Variants in SSH2 observed in about 807,000 individuals in gnomAD.
SSH2 encodes the protein protein phosphatase Slingshot homolog 2.
Under a neutral mutation model 135.2 loss-of-function variants are expected in SSH2, and 37 were observed. The ratio of observed to expected loss-of-function variants is 0.27; its 90% CI spans 0.21 to 0.36. The LOEUF (loss-of-function observed/expected upper bound fraction) is 0.36. Ranked by LOEUF, SSH2 falls within the 10% of genes least tolerant of loss-of-function variation. SSH2 has a pLI of 1.00. For missense variants in SSH2, 1,408 were observed against 1,765.3 expected (o/e 0.80, Z 3.63); for synonymous variants, 628 against 646.2 (o/e 0.97, Z 0.43).
intron 1 of SSH2, among the ~76,000 whole-genome samples, chr17:29,860,410 A>G (rs1013125529): frequency 6.6e-6 from 1 of 150,804 alleles, no homozygotes; most frequent in African/African-American, 2.4e-5. Context: ...TCTTCTTTTG[A>G]AAAGCGTCTC....
chr17:29,708,138 G>T (rs1355295299), intron 3 of SSH2, among the ~76,000 whole-genome samples: 2 of 152,132 alleles, frequency 1.3e-5, no homozygotes, highest in South Asian at 2.1e-4. Context: ...TGCATATGAA[G>T]AAAATTATAT....
intron 1 of SSH2, among the ~76,000 whole-genome samples, chr17:29,880,180 G>A (rs2066111345): frequency 6.6e-6 from 1 of 152,156 alleles, no homozygotes; most frequent in African/African-American, 2.4e-5. Flanking sequence ...AAAGTGCAGT[G>A]ACACAATCAC....
At chr17:29,780,037 T>C (rs1389982179) in intron 3 of SSH2, among the ~76,000 whole-genome samples, 1 of 151,728 alleles carries the variant, frequency 6.6e-6, no homozygotes, top group East Asian at 1.9e-4. Context: ...GCCAAAGTGG[T>C]GAAATCTCAT....
chr17:29,861,557 C>T (rs2065764355), intron 1 of SSH2, among the ~76,000 whole-genome samples: 2 of 143,722 alleles, frequency 1.4e-5, no homozygotes, highest in Non-Finnish European at 3.1e-5. Context: ...CTGCCCACCA[C>T]CATAATCTTC....
At chr17:29,912,825 C>T (rs557861298) in intron 1 of SSH2, among the ~76,000 whole-genome samples, 13 of 152,244 alleles carry the variant, frequency 8.5e-5, no homozygotes, top group African/African-American at 3.1e-4. Flanking sequence ...TCTGGCAATA[C>T]TGGGTCTACA....
At chr17:29,654,860 T>A (rs2036718877) in intron 12 of SSH2, among the ~76,000 whole-genome samples, 1 of 152,228 alleles carries the variant, frequency 6.6e-6, no homozygotes, top group African/African-American at 2.4e-5. Flanking sequence ...GGATAGGGAC[T>A]GAGTCTTAAT....
At chr17:29,783,418 G>C (rs1183918594) in intron 3 of SSH2, among the ~76,000 whole-genome samples, 1 of 151,430 alleles carries the variant, frequency 6.6e-6, no homozygotes, top group Non-Finnish European at 1.5e-5. Context: ...GGAGCAAGAA[G>C]AGCCAGTCCG....
Position 29,630,983 on chromosome 17 carries a change from G to A in SSH2, c.4211C>T (p.Thr1404Ile). 1.2e-6 allele frequency: 2 copies of A among 1,613,878 alleles called. No homozygotes were observed. Among genetic ancestry groups the A allele is most frequent in the Non-Finnish European group, 1.7e-6 (2 of 1,179,760 alleles). Reference sequence around the variant, plus strand: ...TGGGCATGCACACTGCAGTCCCTGGGTCTGTAGCACGGGAAGGCCTCCTTC... The same window carrying A: ...TGGGCATGCACACTGCAGTCCCTGGATCTGTAGCACGGGAAGGCCTCCTTC... The part of the protein sequence containing the change: ...SSEGGLPVLQ[T>I]QGLQCACPAP... Residue 1404 changes from threonine (T) to isoleucine (I), a missense_variant, in exon 16 of 16, where the codon ACC becomes ATC. Transcript: ENST00000540801.
chr17:29,697,036 A>G (rs1055998468), intron 4 of SSH2, among the ~76,000 whole-genome samples: 2 of 152,124 alleles, frequency 1.3e-5, no homozygotes, highest in Non-Finnish European at 2.9e-5. Context: ...TCTCCTGAAC[A>G]TATTATTAGG....
At chr17:29,914,687 A>G in intron 1 of SSH2, among the ~76,000 whole-genome samples, 1 of 152,240 alleles carries the variant, frequency 6.6e-6, no homozygotes, top group East Asian at 1.9e-4. Context: ...TGAGCATTAA[A>G]TGAGGATGCA....
At chr17:29,693,458 T>G (rs2038578531) in intron 5 of SSH2, among the ~76,000 whole-genome samples, 1 of 151,670 alleles carries the variant, frequency 6.6e-6, no homozygotes, top group South Asian at 2.1e-4. Flanking sequence ...ACTACAGGTG[T>G]GTGCCAACAC....
intron 3 of SSH2, chr17:29,761,497 G>C (rs915315412): frequency 8.5e-6 from 8 of 936,164 alleles, no homozygotes; most frequent in South Asian, 4.7e-5. Flanking sequence ...TCCTGAGAGC[G>C]GAGAGGGTAG....
At chr17:29,742,502 T>TTC (rs1229205707) in intron 3 of SSH2, among the ~76,000 whole-genome samples, 3 of 139,530 alleles carry the variant, frequency 2.2e-5, no homozygotes, top group Non-Finnish European at 3.1e-5. Flanking sequence ...TTTTTTTTTC[T>TTC]TTTCAATTTT....
intron 3 of SSH2, among the ~76,000 whole-genome samples, chr17:29,788,683 TA>T (rs2042013313): frequency 6.6e-6 from 1 of 151,158 alleles, no homozygotes. Flanking sequence ...TATCTATCTC[TA>T]TGAGATACCC....
chr17:29,663,972 T>A (rs558137628), intron 11 of SSH2, among the ~76,000 whole-genome samples: 1 of 152,354 alleles, frequency 6.6e-6, no homozygotes, highest in African/African-American at 2.4e-5. Context: ...GAAATCTCTA[T>A]ACCTTTTGCT....
intron 2 of SSH2, among the ~76,000 whole-genome samples, chr17:29,827,795 A>C (rs1051003491): frequency 2.6e-5 from 4 of 152,076 alleles, no homozygotes; most frequent in African/African-American, 7.2e-5. Context: ...AAAAAAAAAA[A>C]ACCCCAGCAT....
intron 3 of SSH2, among the ~76,000 whole-genome samples, chr17:29,792,577 CTG>C (rs1178834308): frequency 6.6e-6 from 1 of 152,030 alleles, no homozygotes; most frequent in African/African-American, 2.4e-5. Context: ...ATCTCAGTTA[CTG>C]ATGAAAAGGA....
intron 3 of SSH2, among the ~76,000 whole-genome samples, chr17:29,723,987 C>T (rs1191689053): frequency 6.7e-6 from 1 of 149,958 alleles, no homozygotes; most frequent in Non-Finnish European, 1.5e-5. Context: ...ATCTCTTGTT[C>T]AGGCACAGTA....
At position 29,880,960 on chromosome 17, in the gene SSH2, C is replaced by T. The variant is rs539264814; in HGVS notation, c.64-32031G>A. ...GCCTTGAGCCCAAAGGACCAAACAG[C>T]ATATCCCACAACAATTCATTTATGG... On this transcript the variant is annotated intron_variant, in intron 1 of 15. Transcript: ENST00000540801. Among the ~76,000 whole-genome samples the T allele has an allele frequency of 2.6e-5, 4 of 152,254 alleles. No individual in the cohort carries two copies. The South Asian group carries it at 8.3e-4, about 32-fold the overall frequency.
Sources: allele counts gnomAD v4.1 joint callset (sites outside exome capture counted in the v4.1 genomes callset), GRCh38; gene constraint gnomAD v4.1.1; transcripts MANE v1.5; gene names NCBI Gene and HGNC (gene_info 2026-07-23, HGNC 2026-07-21).